The following RELN variants were observed in gnomAD, a reference collection of about 807,000 sequenced individuals.
The protein encoded by RELN is reelin.
Under a neutral mutation model 427.6 loss-of-function variants are expected in RELN, and 108 were observed. That is an observed-to-expected ratio of 0.25 (90% CI 0.22 to 0.30). The LOEUF (loss-of-function observed/expected upper bound fraction) is 0.30. Ranked by LOEUF, RELN falls within the 10% of genes least tolerant of loss-of-function variation. RELN has a pLI of 1.00. For synonymous variants in RELN, 1,524 were observed against 1,513.4 expected (o/e 1.01, Z -0.16); for missense variants, 3,715 against 4,302.8 (o/e 0.86, Z 3.82).
At chr7:103,954,184 T>G (rs1796388676) in intron 1 of RELN, among the ~76,000 whole-genome samples, 1 of 152,124 alleles carries the variant, frequency 6.6e-6, no homozygotes, top group Non-Finnish European at 1.5e-5. Context: ...CACTTGAGCC[T>G]GGGAGGCGGA....
At chr7:103,803,599 ATAAATACCCAGTAAACCTTGTTATCAAG>A (rs1792522168) in intron 3 of RELN, among the ~76,000 whole-genome samples, 1 of 152,090 alleles carries the variant, frequency 6.6e-6, no homozygotes, top group South Asian at 2.1e-4. Context: ...TCTATGGGGG[ATAAATACCCAGTAAACCTTGTTATCAAG>A]TTGCTTAGAG....
intron 2 of RELN, among the ~76,000 whole-genome samples, chr7:103,909,282 T>C (rs1010499902): frequency 1.9e-4 from 29 of 152,024 alleles, no homozygotes; most frequent in African/African-American, 6.8e-4. Flanking sequence ...TAGGTTCTAC[T>C]TAGTCTTAAT....
chr7:103,849,747 G>T (rs1793774556), intron 2 of RELN, among the ~76,000 whole-genome samples: 1 of 152,228 alleles, frequency 6.6e-6, no homozygotes, highest in Admixed American at 6.5e-5. Flanking sequence ...TTGAGGTAAA[G>T]ATGGTTTTAC....
intron 2 of RELN, among the ~76,000 whole-genome samples, chr7:103,858,277 C>G (rs1340767970): frequency 6.6e-6 from 1 of 152,082 alleles, no homozygotes; most frequent in East Asian, 1.9e-4. Context: ...ATAACAATAC[C>G]TGGTTTTTAG....
At chr7:103,759,990 C>CTTTTTTTTTTTTTTTTTTTTTTTTTTT in intron 4 of RELN, among the ~76,000 whole-genome samples, 1 of 64,932 alleles carries the variant, frequency 1.5e-5, no homozygotes, top group Non-Finnish European at 2.9e-5. Context: ...CACAGTCATA[C>CTTTTTTTTTTTTTTTTTTTTTTTTTTT]TTTTTTTTTT....
chr7:103,761,743 A>AC (rs1249145388), intron 4 of RELN, among the ~76,000 whole-genome samples: 1 of 152,200 alleles, frequency 6.6e-6, no homozygotes, highest in Non-Finnish European at 1.5e-5. Context: ...GGCGTGAGCC[A>AC]CCATGCCTGG....
intron 3 of RELN, among the ~76,000 whole-genome samples, chr7:103,806,220 T>A (rs112018815): frequency 4.6e-5 from 7 of 152,316 alleles, no homozygotes; most frequent in African/African-American, 1.7e-4. Context: ...GACTGTTATA[T>A]CTATTTATAA....
chr7:103,828,854 TAG>T (rs1294585746), intron 3 of RELN, among the ~76,000 whole-genome samples: 4 of 151,986 alleles, frequency 2.6e-5, no homozygotes, highest in Middle Eastern at 3.2e-3. Flanking sequence ...CTTGAAAAGT[TAG>T]AGAGATTCCG....
At chr7:103,741,868 C>T (rs1244462704) in intron 6 of RELN, among the ~76,000 whole-genome samples, 13 of 152,124 alleles carry the variant, frequency 8.5e-5, no homozygotes, top group East Asian at 1.9e-4. Flanking sequence ...GCGTGAGCGA[C>T]GCAGAAGATG....
intron 2 of RELN, among the ~76,000 whole-genome samples, chr7:103,841,937 G>T (rs1011233487): frequency 7.2e-5 from 11 of 151,972 alleles, no homozygotes; most frequent in African/African-American, 2.7e-4. Context: ...ATTTTTCATG[G>T]GTTTCAAGAA....
At chr7:103,776,956 A>G (rs1791759352) in intron 3 of RELN, among the ~76,000 whole-genome samples, 1 of 152,234 alleles carries the variant, frequency 6.6e-6, no homozygotes, top group African/African-American at 2.4e-5. Context: ...CCTTTGATAT[A>G]AAATGTTTTG....
intron 50 of RELN, among the ~76,000 whole-genome samples, chr7:103,511,298 T>C (rs1829405048): frequency 6.6e-6 from 1 of 152,174 alleles, no homozygotes; most frequent in African/African-American, 2.4e-5. Flanking sequence ...AAATAACTAA[T>C]TTTTTGACAG....
At chr7:103,736,903 T>C (rs1057059960) in intron 6 of RELN, among the ~76,000 whole-genome samples, 1 of 151,962 alleles carries the variant, frequency 6.6e-6, no homozygotes, top group African/African-American at 2.4e-5. Flanking sequence ...TACATCATGA[T>C]AGAAAAAGAG....
intron 11 of RELN, among the ~76,000 whole-genome samples, chr7:103,675,620 C>T (rs1290126422): frequency 6.6e-6 from 1 of 152,164 alleles, no homozygotes; most frequent in African/African-American, 2.4e-5. Context: ...AGGCGTCATG[C>T]TATCTGACTT....
chr7:103,549,982 T>C (rs1013696916), intron 41 of RELN, among the ~76,000 whole-genome samples: 1 of 152,258 alleles, frequency 6.6e-6, no homozygotes, highest in Non-Finnish European at 1.5e-5. Context: ...AGACACTCTT[T>C]GCCTCCTCTG....
chr7:103,538,467 T>G (rs1353913255), intron 45 of RELN, among the ~76,000 whole-genome samples: 1 of 152,062 alleles, frequency 6.6e-6, no homozygotes, highest in East Asian at 1.9e-4. Flanking sequence ...TATGTGTGAG[T>G]GTACACATGC....
Position 103,565,450 on chromosome 7 carries a change from G to T in RELN, c.5038C>A (p.His1680Asn), listed in dbSNP as rs773182967. 5 of 1,613,856 alleles carry T rather than the reference G, an allele frequency of 3.1e-6. No individual in the cohort carries two copies. The South Asian group carries it at 5.5e-5, about 18-fold the overall frequency. ...AGAGAATACTGGAGCTGTACACTGTGGGAGTTGCTGAAGGGCTTGCTACAG... is the reference window on the plus strand; with the variant it reads ...AGAGAATACTGGAGCTGTACACTGTTGGAGTTGCTGAAGGGCTTGCTACAG... Reference protein sequence around the residue: ...MGCSKPFSNSHSVQLQYSLNN... With the variant: ...MGCSKPFSNSNSVQLQYSLNN... The change falls in exon 34 of 65, where the codon CAC becomes AAC. Residue 1680 changes from histidine to asparagine, a missense_variant. By Grantham distance (68) the His-to-Asn change is moderately conservative. Coordinates refer to ENST00000428762, the MANE Select transcript of RELN (RefSeq NM_005045.4).
chr7:103,704,853 C>A (rs1834167367), intron 8 of RELN, among the ~76,000 whole-genome samples: 1 of 152,154 alleles, frequency 6.6e-6, no homozygotes, highest in African/African-American at 2.4e-5. Context: ...TACTCTCAAG[C>A]ACTCAGTTGA....
chr7:103,479,591 G>C (rs1276292146), intron 63 of RELN, among the ~76,000 whole-genome samples: 2 of 152,172 alleles, frequency 1.3e-5, no homozygotes, highest in African/African-American at 4.8e-5. Context: ...AAGCATGAGA[G>C]ACTGCTTGTT....
Sources: allele counts gnomAD v4.1 joint callset (sites outside exome capture counted in the v4.1 genomes callset), GRCh38; gene constraint gnomAD v4.1.1; transcripts MANE v1.5; gene names NCBI Gene and HGNC (gene_info 2026-07-23, HGNC 2026-07-21).